SMYD3: variants seen among roughly 807,000 people sequenced by gnomAD.
SMYD3 encodes the protein SET and MYND domain containing 3.
Under a neutral mutation model 57.7 loss-of-function variants are expected in SMYD3, and 36 were observed. That is an observed-to-expected ratio of 0.62 (90% CI 0.48 to 0.82). The LOEUF is 0.82. Ranked by LOEUF, SMYD3 falls within the 40% of genes least tolerant of loss-of-function variation. The pLI is 0.00. For missense variants in SMYD3, 515 were observed against 538.8 expected (o/e 0.96, Z 0.44); for synonymous variants, 211 against 195.0 (o/e 1.08, Z -0.68).
At chr1:246,428,763 A>G (rs1572492872) in intron 1 of SMYD3, among the ~76,000 whole-genome samples, 3 of 152,240 alleles carry the variant, frequency 2.0e-5, no homozygotes, top group Non-Finnish European at 2.9e-5. Context: ...ACCACAGCCC[A>G]TGCTCTTAAC....
intron 5 of SMYD3, among the ~76,000 whole-genome samples, chr1:246,318,809 G>A (rs1350682517): frequency 1.3e-5 from 2 of 152,156 alleles, no homozygotes; most frequent in Non-Finnish European, 2.9e-5. Context: ...TGACCAACAC[G>A]GGTATAAACA....
At chr1:245,858,419 A>G in intron 10 of SMYD3, 77 bp downstream of exon 10, 1 of 1,418,704 alleles carries the variant, frequency 7.0e-7, no homozygotes, top group Non-Finnish European at 9.5e-7. Context: ...AGTAATCAGA[A>G]TGACTTCACA....
At chr1:246,386,039 C>T (rs56374288) in intron 1 of SMYD3, among the ~76,000 whole-genome samples, 58,793 of 151,976 alleles carry the variant, frequency 0.39, 12,282 homozygotes, top group Admixed American at 0.49. Context: ...CAGGCACCTG[C>T]CACCACGCCC....
chr1:246,134,618 A>C (rs115238587), intron 5 of SMYD3, among the ~76,000 whole-genome samples: 2 of 152,184 alleles, frequency 1.3e-5, no homozygotes, highest in Non-Finnish European at 2.9e-5. Flanking sequence ...GAATCTGTGA[A>C]TCAAAAGAAG....
chr1:245,867,198 G>C (rs1332307175), intron 8 of SMYD3, among the ~76,000 whole-genome samples: 1 of 152,226 alleles, frequency 6.6e-6, no homozygotes, highest in African/African-American at 2.4e-5. Flanking sequence ...GAGGAGGTCA[G>C]GGTGATGTGC....
chr1:245,805,680 T>C (rs1443133314), intron 10 of SMYD3, among the ~76,000 whole-genome samples: 3 of 152,226 alleles, frequency 2.0e-5, no homozygotes. Context: ...TAGTCATCCT[T>C]TGAAAAATCA....
Position 246,484,832 on chromosome 1 carries a change from CTT to C in SMYD3, c.164+22220_164+22221del, listed in dbSNP as rs1349097113. 3.0e-4 allele frequency among the ~76,000 whole-genome samples: 31 copies of C among 103,220 alleles called. 1 individual carries two copies. Among genetic ancestry groups the C allele is most frequent in the Non-Finnish European group, 3.8e-4 (17 of 44,462 alleles). 67.7% of individuals were successfully genotyped at this position (103,220 alleles called of 152,430 possible). On this transcript the variant is annotated intron_variant, in intron 1 of 11. Transcript: ENST00000490107. ...ACTAGTTACACCTGAAAACACATCA[CTT>C]CAACCAAAATACCTAAACTACTGCA...
intron 1 of SMYD3, among the ~76,000 whole-genome samples, chr1:246,471,875 C>T (rs1242187110): frequency 6.6e-6 from 1 of 152,104 alleles, no homozygotes; most frequent in African/African-American, 2.4e-5. Context: ...ATCTCAGTGG[C>T]TTTTAAAAGC....
At chr1:246,404,903 T>C (rs2066835976) in intron 1 of SMYD3, among the ~76,000 whole-genome samples, 1 of 152,156 alleles carries the variant, frequency 6.6e-6, no homozygotes, top group Admixed American at 6.5e-5. Flanking sequence ...TAATCCACTT[T>C]TTTACTCTTA....
At chr1:246,360,975 T>G (rs530509164) in intron 1 of SMYD3, among the ~76,000 whole-genome samples, 2 of 152,210 alleles carry the variant, frequency 1.3e-5, no homozygotes, top group African/African-American at 4.8e-5. Context: ...AAAAAGTTTC[T>G]GCACAGCAAA....
chr1:246,445,036 C>T (rs536921277), intron 1 of SMYD3, among the ~76,000 whole-genome samples: 4 of 152,224 alleles, frequency 2.6e-5, no homozygotes, highest in Admixed American at 1.3e-4. Context: ...AAGACAGGAG[C>T]ACTATTGATG....
At chr1:246,441,089 C>T (rs1365189168) in intron 1 of SMYD3, among the ~76,000 whole-genome samples, 6 of 152,100 alleles carry the variant, frequency 3.9e-5, no homozygotes, top group African/African-American at 1.4e-4. Flanking sequence ...CCCACTTACC[C>T]TGCCGTTCGT....
intron 1 of SMYD3, among the ~76,000 whole-genome samples, chr1:246,397,083 A>G (rs972281387): frequency 6.6e-6 from 1 of 152,222 alleles, no homozygotes; most frequent in East Asian, 1.9e-4. Flanking sequence ...TTGCCTGTTC[A>G]TGGACCACTG....
intron 1 of SMYD3, among the ~76,000 whole-genome samples, chr1:246,474,912 A>C (rs1361575482): frequency 6.6e-6 from 1 of 152,198 alleles, no homozygotes; most frequent in Non-Finnish European, 1.5e-5. Context: ...AGAACTAAGA[A>C]AATTGGTCCT....
intron 9 of SMYD3, among the ~76,000 whole-genome samples, chr1:245,860,391 C>T (rs1225662015): frequency 2.0e-5 from 3 of 152,304 alleles, no homozygotes; most frequent in East Asian, 1.9e-4. Flanking sequence ...GAAACATTAG[C>T]AAATACTTCT....
At chr1:246,460,809 C>A (rs576833365) in intron 1 of SMYD3, among the ~76,000 whole-genome samples, 9 of 152,286 alleles carry the variant, frequency 5.9e-5, no homozygotes, top group Admixed American at 2.6e-4. Context: ...TAAACAAATC[C>A]TTTTCTCTTT....
intron 1 of SMYD3, among the ~76,000 whole-genome samples, chr1:246,386,768 A>C (rs978671508): frequency 3.3e-5 from 5 of 152,140 alleles, no homozygotes; most frequent in Non-Finnish European, 5.9e-5. Flanking sequence ...AATGAGAGAA[A>C]GGGTGGGAGA....
chr1:245,812,766 T>C (rs2148295718), intron 10 of SMYD3, among the ~76,000 whole-genome samples: 1 of 149,484 alleles, frequency 6.7e-6, no homozygotes, highest in South Asian at 2.1e-4. Flanking sequence ...TAGCAGGAAC[T>C]GAGAAGAAAG....
chr1:246,360,347 T>A (rs994238712), intron 1 of SMYD3, among the ~76,000 whole-genome samples: 5 of 152,004 alleles, frequency 3.3e-5, no homozygotes, highest in African/African-American at 1.2e-4. Flanking sequence ...CATGGATGGG[T>A]AGAATCAATA....
Sources: gnomAD v4.1 joint callset for allele counts (sites outside exome capture counted in the v4.1 genomes callset) on GRCh38, gnomAD v4.1.1 for gene constraint, MANE v1.5 for transcripts, NCBI Gene and HGNC (gene_info 2026-07-23, HGNC 2026-07-21) for gene names.